CCSER1: variants seen among roughly 807,000 people sequenced by gnomAD.
The protein encoded by CCSER1 is serine-rich coiled-coil domain-containing protein 1.
In CCSER1, 41 loss-of-function variants were observed where a neutral mutation model predicts 82.0. That is an observed-to-expected ratio of 0.50 (90% CI 0.39 to 0.65). The LOEUF is 0.65. Ranked by LOEUF, CCSER1 falls within the 30% of genes least tolerant of loss-of-function variation. CCSER1 has a pLI of 0.00. For missense variants in CCSER1, 1,119 were observed against 1,064.2 expected (o/e 1.05, Z -0.72); for synonymous variants, 414 against 383.9 (o/e 1.08, Z -0.92).
intron 5 of CCSER1, among the ~76,000 whole-genome samples, chr4:90,565,922 G>T (rs1306515101): frequency 2.0e-5 from 3 of 150,128 alleles, no homozygotes; most frequent in East Asian, 2.0e-4. Context: ...GTGCAGAAGC[G>T]CAATCTTGGC....
chr4:91,224,018 A>C (rs1420245921), intron 10 of CCSER1, among the ~76,000 whole-genome samples: 1 of 151,734 alleles, frequency 6.6e-6, no homozygotes, highest in Non-Finnish European at 1.5e-5. Flanking sequence ...TTTGGAAGGA[A>C]GGCTTAAATT....
At chr4:90,138,152 A>G (rs1724036962) in intron 1 of CCSER1, among the ~76,000 whole-genome samples, 1 of 152,288 alleles carries the variant, frequency 6.6e-6, no homozygotes, top group South Asian at 2.1e-4. Flanking sequence ...TGAGAAATGG[A>G]TGAATAAATG....
At chr4:90,185,577 G>A (rs1477461994) in intron 1 of CCSER1, among the ~76,000 whole-genome samples, 1 of 151,970 alleles carries the variant, frequency 6.6e-6, no homozygotes, top group Non-Finnish European at 1.5e-5. Context: ...GTAATAAGGA[G>A]GAAGTGCTGA....
At chr4:90,787,053 G>T (rs1433874451) in intron 7 of CCSER1, among the ~76,000 whole-genome samples, 1 of 152,160 alleles carries the variant, frequency 6.6e-6, no homozygotes, top group African/African-American at 2.4e-5. Flanking sequence ...AGTGAGGTAT[G>T]GGGGAAGGGA....
intron 10 of CCSER1, among the ~76,000 whole-genome samples, chr4:91,255,203 C>G (rs1387225995): frequency 6.6e-6 from 1 of 152,092 alleles, no homozygotes; most frequent in Non-Finnish European, 1.5e-5. Flanking sequence ...GACAGAATAC[C>G]TAGGCTTGAT....
chr4:90,391,547 A>G (rs1751152525), intron 3 of CCSER1, among the ~76,000 whole-genome samples: 1 of 136,212 alleles, frequency 7.3e-6, no homozygotes, highest in African/African-American at 2.8e-5. Context: ...TACTCATAAA[A>G]TTAAAAATAA....
intron 6 of CCSER1, among the ~76,000 whole-genome samples, chr4:90,644,235 A>T (rs1187226407): frequency 6.6e-6 from 1 of 152,166 alleles, no homozygotes; most frequent in Non-Finnish European, 1.5e-5. Context: ...TGGGAATGGG[A>T]CACAAGTCTA....
intron 7 of CCSER1, among the ~76,000 whole-genome samples, chr4:90,734,873 T>TG (rs543679152): frequency 1.1e-4 from 16 of 152,316 alleles, no homozygotes; most frequent in South Asian, 1.0e-3. Flanking sequence ...ATAACAGTGG[T>TG]GAAAGGGCAT....
intron 3 of CCSER1, chr4:90,370,078 A>C (rs1247307073): frequency 1.3e-5 from 2 of 151,920 alleles, no homozygotes; most frequent in Non-Finnish European, 2.9e-5. Flanking sequence ...TTACTTTTCC[A>C]AAAAAGCCAA....
chr4:90,930,678 G>A (rs377165882), intron 9 of CCSER1, among the ~76,000 whole-genome samples: 17 of 151,368 alleles, frequency 1.1e-4, no homozygotes, highest in African/African-American at 3.9e-4. Context: ...CCCTTTGGAA[G>A]GAAACACCAA....
intron 10 of CCSER1, among the ~76,000 whole-genome samples, chr4:91,484,055 TAAA>T (rs70965500): frequency 3.8e-5 from 5 of 130,984 alleles, no homozygotes; most frequent in Non-Finnish European, 6.4e-5. Context: ...GCCTATTCTC[TAAA>T]AAAAAAAAAA....
intron 4 of CCSER1, among the ~76,000 whole-genome samples, chr4:90,423,630 A>C (rs900194776): frequency 1.3e-5 from 2 of 151,988 alleles, no homozygotes; most frequent in African/African-American, 4.8e-5. Context: ...AAGAGCCACT[A>C]TGCCCGGCTA....
At chr4:90,237,855 T>C (rs982651302) in intron 1 of CCSER1, among the ~76,000 whole-genome samples, 20 of 152,208 alleles carry the variant, frequency 1.3e-4, no homozygotes, top group African/African-American at 4.6e-4. Context: ...TCCAGAGTAG[T>C]GGCAGCTGTC....
At chr4:90,360,833 A>G (rs1345619160) in intron 3 of CCSER1, among the ~76,000 whole-genome samples, 2 of 152,220 alleles carry the variant, frequency 1.3e-5, no homozygotes, top group African/African-American at 4.8e-5. Context: ...TTTTCAAAGA[A>G]AAGATTGTAT....
At chr4:91,482,950 G>A (rs1055325579) in intron 10 of CCSER1, among the ~76,000 whole-genome samples, 16 of 152,116 alleles carry the variant, frequency 1.1e-4, no homozygotes, top group South Asian at 2.1e-4. Flanking sequence ...GTTGTGGGGT[G>A]GGGGGAGCGG....
At chr4:90,852,454 A>G (rs998072022) in intron 8 of CCSER1, among the ~76,000 whole-genome samples, 2 of 152,244 alleles carry the variant, frequency 1.3e-5, no homozygotes, top group Non-Finnish European at 2.9e-5. Context: ...TGCTGCAGGC[A>G]GTCATGCACT....
intron 6 of CCSER1, among the ~76,000 whole-genome samples, chr4:90,709,549 C>T (rs1740083603): frequency 3.3e-5 from 5 of 152,074 alleles, no homozygotes; most frequent in Non-Finnish European, 5.9e-5. Flanking sequence ...GTTTTCTGTT[C>T]CTTCACTAGT....
intron 10 of CCSER1, among the ~76,000 whole-genome samples, chr4:91,557,420 C>T (rs1000942735): frequency 1.3e-5 from 2 of 151,342 alleles, no homozygotes; most frequent in Admixed American, 6.6e-5. Flanking sequence ...TACTGAATAT[C>T]TTCTATGTGG....
intron 10 of CCSER1, among the ~76,000 whole-genome samples, chr4:91,399,491 C>T (rs1019164890): frequency 2.6e-5 from 4 of 152,054 alleles, no homozygotes; most frequent in African/African-American, 9.6e-5. Flanking sequence ...TGCCTGTCTT[C>T]AGAGGGGTAA....
Sources: allele counts gnomAD v4.1 joint callset (sites outside exome capture counted in the v4.1 genomes callset), GRCh38; gene constraint gnomAD v4.1.1; transcripts MANE v1.5; gene names NCBI Gene and HGNC (gene_info 2026-07-23, HGNC 2026-07-21).